SIPA1L3: variants seen among roughly 807,000 people sequenced by gnomAD.
The protein encoded by SIPA1L3 is signal-induced proliferation-associated 1-like protein 3.
Under a neutral mutation model 150.1 loss-of-function variants are expected in SIPA1L3, and 59 were observed. That is an observed-to-expected ratio of 0.39 (90% CI 0.32 to 0.49). The LOEUF is 0.49. Among genes scored for constraint, SIPA1L3 ranks in the 20% least tolerant of loss-of-function variants. SIPA1L3 has a pLI of 0.86. For missense variants in SIPA1L3, 2,211 were observed against 2,489.5 expected (o/e 0.89, Z 2.38); for synonymous variants, 1,070 against 1,077.6 (o/e 0.99, Z 0.14).
chr19:37,967,951 G>A (rs1006444317), intron 1 of SIPA1L3, among the ~76,000 whole-genome samples: 5 of 139,916 alleles, frequency 3.6e-5, no homozygotes, highest in African/African-American at 1.2e-4. Flanking sequence ...GAGCCCTGGC[G>A]CCCAGCCACT....
intron 19 of SIPA1L3, chr19:38,200,583 A>G (rs1429596040): frequency 6.6e-6 from 1 of 152,154 alleles, no homozygotes; most frequent in Non-Finnish European, 1.5e-5. Context: ...AAAAATAGCT[A>G]TAAAGGGTAT....
intron 16 of SIPA1L3, 116 bp downstream of exon 16, chr19:38,182,856 C>A: frequency 1.3e-6 from 1 of 762,734 alleles, no homozygotes; most frequent in Non-Finnish European, 2.1e-6. Context: ...GGCCAGTGTA[C>A]CAGTGTACAC....
chr19:38,197,482 C>T (rs1014724806), intron 18 of SIPA1L3, among the ~76,000 whole-genome samples: 1 of 152,088 alleles, frequency 6.6e-6, no homozygotes, highest in Admixed American at 6.5e-5. Flanking sequence ...AACCTGCCCC[C>T]CCACGGCAAC....
At chr19:38,004,514 TG>T (rs1454122349) in intron 1 of SIPA1L3, among the ~76,000 whole-genome samples, 1 of 152,236 alleles carries the variant, frequency 6.6e-6, no homozygotes, top group Non-Finnish European at 1.5e-5. Context: ...TTCCCTCTGA[TG>T]TCAGTGTCAT....
intron 1 of SIPA1L3, among the ~76,000 whole-genome samples, chr19:38,024,707 T>G (rs1039322179): frequency 7.2e-5 from 11 of 152,194 alleles, no homozygotes; most frequent in African/African-American, 2.4e-4. Flanking sequence ...ACAGGCAGTA[T>G]TTTGTGCTTT....
intron 13 of SIPA1L3, among the ~76,000 whole-genome samples, chr19:38,161,886 A>G (rs2145979494): frequency 6.6e-6 from 1 of 152,226 alleles, no homozygotes; most frequent in Middle Eastern, 3.4e-3. Flanking sequence ...CAAAAAAAAA[A>G]AAAAAATTAG....
At chr19:38,012,007 T>C (rs1286196979) in intron 1 of SIPA1L3, among the ~76,000 whole-genome samples, 3 of 151,732 alleles carry the variant, frequency 2.0e-5, no homozygotes, top group Non-Finnish European at 4.4e-5. Flanking sequence ...TCTGCATCAT[T>C]GCTGGATCCC....
chr19:38,159,561 A>C (rs1478428839), intron 13 of SIPA1L3, among the ~76,000 whole-genome samples: 2 of 152,086 alleles, frequency 1.3e-5, no homozygotes, highest in Non-Finnish European at 2.9e-5. Flanking sequence ...TCGGGCACTC[A>C]CTCTCCACCA....
chr19:38,145,483 A>C (rs1378648553), intron 12 of SIPA1L3, among the ~76,000 whole-genome samples: 1 of 151,284 alleles, frequency 6.6e-6, no homozygotes, highest in Non-Finnish European at 1.5e-5. Context: ...CAGTGAGCCA[A>C]GACTGTGGCA....
At chr19:37,927,134 A>C (rs1599801602) in intron 1 of SIPA1L3, among the ~76,000 whole-genome samples, 2 of 123,406 alleles carry the variant, frequency 1.6e-5, no homozygotes, top group Admixed American at 9.3e-5. Flanking sequence ...CAATAGGTAG[A>C]TTTTCTTTTC....
intron 2 of SIPA1L3, among the ~76,000 whole-genome samples, chr19:38,073,111 T>C (rs1195984632): frequency 6.6e-6 from 1 of 152,192 alleles, no homozygotes; most frequent in Admixed American, 6.6e-5. Flanking sequence ...AAGAAAGGAT[T>C]GCAGCAAGGG....
At chr19:38,049,019 T>C (rs1599952869) in intron 2 of SIPA1L3, among the ~76,000 whole-genome samples, 1 of 150,738 alleles carries the variant, frequency 6.6e-6, no homozygotes, top group African/African-American at 2.5e-5. Flanking sequence ...GAGGTGGAGG[T>C]TGCAGTGAGC....
At chr19:38,071,223 ATC>A (rs1969711494) in intron 2 of SIPA1L3, among the ~76,000 whole-genome samples, 1 of 151,252 alleles carries the variant, frequency 6.6e-6, no homozygotes, top group Non-Finnish European at 1.5e-5. Flanking sequence ...CTATCTATCT[ATC>A]TATCTATCTA....
intron 21 of SIPA1L3, among the ~76,000 whole-genome samples, chr19:38,204,505 C>T (rs1973165057): frequency 6.6e-6 from 1 of 152,222 alleles, no homozygotes. Flanking sequence ...TGGCTCATAC[C>T]TGTAATCCCA....
chr19:38,091,911 A>C (rs1183229726), intron 4 of SIPA1L3, among the ~76,000 whole-genome samples: 1 of 152,066 alleles, frequency 6.6e-6, no homozygotes, highest in Non-Finnish European at 1.5e-5. Context: ...TACAAAAAAA[A>C]AAATTAGCTA....
chr19:38,194,548 TGA>T (rs1057198821), intron 18 of SIPA1L3, among the ~76,000 whole-genome samples: 1 of 152,128 alleles, frequency 6.6e-6, no homozygotes, highest in African/African-American at 2.4e-5. Context: ...CTGACCTTTT[TGA>T]GTTTGTTACA....
At chr19:37,910,459 G>T (rs1226012773) in intron 1 of SIPA1L3, among the ~76,000 whole-genome samples, 2 of 150,532 alleles carry the variant, frequency 1.3e-5, no homozygotes, top group African/African-American at 4.9e-5. Flanking sequence ...TACCCGGGAT[G>T]TTGAGGCTGT....
At position 38,192,131 on chromosome 19, in the gene SIPA1L3, C is replaced by T. The variant is rs113823785; in HGVS notation, c.4431-14C>T. 1.2e-3 allele frequency: 1,950 copies of T among 1,589,972 alleles called. 2 individuals are homozygous for T. Among genetic ancestry groups the T allele is most frequent in the Non-Finnish European group, 1.6e-3 (1,857 of 1,169,116 alleles). On this transcript the variant is annotated splice_polypyrimidine_tract_variant and intron_variant, in intron 16 of 21. Transcript: ENST00000222345. Reference sequence around the variant, plus strand: ...CTCCCTGACACCCCTCTGACCCTGACGCTGTCATTCCAGGCAGGTGGACAC... The same window carrying T: ...CTCCCTGACACCCCTCTGACCCTGATGCTGTCATTCCAGGCAGGTGGACAC...
At chr19:37,919,780 A>G (rs2046442868) in intron 1 of SIPA1L3, among the ~76,000 whole-genome samples, 2 of 134,328 alleles carry the variant, frequency 1.5e-5, no homozygotes, top group Non-Finnish European at 3.0e-5. Context: ...GCGCGATCTC[A>G]GCTCACCGCA....
Sources: gnomAD v4.1 joint callset for allele counts (sites outside exome capture counted in the v4.1 genomes callset) on GRCh38, gnomAD v4.1.1 for gene constraint, MANE v1.5 for transcripts, NCBI Gene and HGNC (gene_info 2026-07-23, HGNC 2026-07-21) for gene names.